Variants in STXBP5L observed in about 807,000 individuals in gnomAD.
The protein encoded by STXBP5L is syntaxin-binding protein 5-like.
A neutral mutation model predicts 144.5 loss-of-function variants in STXBP5L; 65 were observed. That is an observed-to-expected ratio of 0.45 (90% CI 0.37 to 0.55). The LOEUF is 0.55. Among genes scored for constraint, STXBP5L ranks in the 20% least tolerant of loss-of-function variants. STXBP5L has a pLI of 0.00. For synonymous variants in STXBP5L, 505 were observed against 469.6 expected (o/e 1.08, Z -0.97); for missense variants, 1,298 against 1,405.5 (o/e 0.92, Z 1.22).
At chr3:121,062,725 A>T (rs770641981) in intron 5 of STXBP5L, among the ~76,000 whole-genome samples, 12 of 151,898 alleles carry the variant, frequency 7.9e-5, no homozygotes, top group Non-Finnish European at 1.6e-4. Context: ...CTTTTTTTCT[A>T]ATCTTGTCTT....
chr3:121,092,573 G>A (rs2042872017), intron 5 of STXBP5L, among the ~76,000 whole-genome samples: 1 of 152,152 alleles, frequency 6.6e-6, no homozygotes, highest in Non-Finnish European at 1.5e-5. Context: ...CTCTCTGTTT[G>A]TCTGTTATTG....
At chr3:121,234,251 T>C (rs2049397935) in intron 12 of STXBP5L, among the ~76,000 whole-genome samples, 1 of 152,136 alleles carries the variant, frequency 6.6e-6, no homozygotes, top group Non-Finnish European at 1.5e-5. Context: ...TGAAACTAAT[T>C]TCCATCATTG....
chr3:121,120,661 G>T (rs1200187847), intron 6 of STXBP5L, among the ~76,000 whole-genome samples: 1 of 151,146 alleles, frequency 6.6e-6, no homozygotes, highest in Non-Finnish European at 1.5e-5. Context: ...TAACTCTGAG[G>T]AGTCAGCACC....
chr3:121,279,749 T>G (rs2050992927), intron 18 of STXBP5L, 56 bp from the exon 19 acceptor site: 4 of 1,584,920 alleles, frequency 2.5e-6, no homozygotes, highest in African/African-American at 2.7e-5. Context: ...GATTTGAAGA[T>G]AAAAATAATC....
chr3:121,401,587 C>T (rs1405405209), intron 22 of STXBP5L, among the ~76,000 whole-genome samples: 1 of 138,338 alleles, frequency 7.2e-6, no homozygotes, highest in Non-Finnish European at 1.5e-5. Context: ...AGTTCATGTC[C>T]TTTGTAGGGA....
At chr3:121,059,400 G>T (rs1270999039) in intron 5 of STXBP5L, among the ~76,000 whole-genome samples, 1 of 152,172 alleles carries the variant, frequency 6.6e-6, no homozygotes, top group Non-Finnish European at 1.5e-5. Context: ...TTGAAGTCAG[G>T]TAGCATGGTG....
intron 9 of STXBP5L, among the ~76,000 whole-genome samples, chr3:121,192,029 G>T (rs932671742): frequency 6.6e-6 from 1 of 152,020 alleles, no homozygotes; most frequent in Non-Finnish European, 1.5e-5. Flanking sequence ...ACACCAACAT[G>T]GCACATGTAT....
At chr3:120,927,021 C>T (rs545269578) in intron 2 of STXBP5L, among the ~76,000 whole-genome samples, 74 of 151,644 alleles carry the variant, frequency 4.9e-4, no homozygotes, top group Admixed American at 8.5e-4. Flanking sequence ...CTGCAACCTC[C>T]GCCTGCCAGG....
At chr3:121,152,593 T>C in intron 8 of STXBP5L, 33 bp downstream of exon 8, 3 of 1,478,980 alleles carry the variant, frequency 2.0e-6, no homozygotes, top group South Asian at 2.3e-5. Flanking sequence ...TTTGAAAGAG[T>C]ATTGTGACGT....
chr3:121,051,605 A>G (rs1948000943), intron 5 of STXBP5L, among the ~76,000 whole-genome samples: 2 of 152,232 alleles, frequency 1.3e-5, no homozygotes, highest in African/African-American at 2.4e-5. Context: ...AGGGAAATTT[A>G]TAGCACTAAA....
intron 7 of STXBP5L, among the ~76,000 whole-genome samples, chr3:121,144,097 G>A (rs1308761398): frequency 1.3e-5 from 2 of 148,910 alleles, no homozygotes; most frequent in East Asian, 2.0e-4. Context: ...TCTGTAAAGC[G>A]TTAATCTGCA....
intron 3 of STXBP5L, among the ~76,000 whole-genome samples, chr3:121,005,157 T>C (rs1182631855): frequency 6.6e-6 from 1 of 152,212 alleles, no homozygotes; most frequent in African/African-American, 2.4e-5. Context: ...TCTGGTAGAA[T>C]TTGGCTGTGA....
intron 7 of STXBP5L, 103 bp downstream of exon 7, chr3:121,121,807 C>T: frequency 4.7e-6 from 3 of 637,262 alleles, no homozygotes; most frequent in East Asian, 2.9e-5. Flanking sequence ...CAGTTGATAG[C>T]ATTTTATATT....
intron 5 of STXBP5L, among the ~76,000 whole-genome samples, chr3:121,049,244 G>A (rs1262913079): frequency 1.3e-5 from 2 of 152,098 alleles, no homozygotes; most frequent in Non-Finnish European, 2.9e-5. Context: ...CTGATCTTGA[G>A]GGCATCAGTG....
chr3:121,399,802 G>T (rs1181957811), intron 22 of STXBP5L, among the ~76,000 whole-genome samples: 3 of 152,238 alleles, frequency 2.0e-5, no homozygotes, highest in Non-Finnish European at 4.4e-5. Flanking sequence ...ACATGTCACA[G>T]TGCTGCAGAG....
At chr3:121,371,063 T>C (rs2046014724) in intron 20 of STXBP5L, among the ~76,000 whole-genome samples, 10 of 152,254 alleles carry the variant, frequency 6.6e-5, no homozygotes, top group Admixed American at 6.5e-4. Flanking sequence ...AATGTGGTAA[T>C]TTGGAGGAAA....
At chr3:121,384,382 G>A (rs888657660) in intron 22 of STXBP5L, among the ~76,000 whole-genome samples, 33 of 152,014 alleles carry the variant, frequency 2.2e-4, no homozygotes, top group African/African-American at 8.0e-4. Flanking sequence ...GTAATTCAGA[G>A]GCTGGGCGCA....
chr3:121,375,795 A>G (rs1002237237), intron 20 of STXBP5L, among the ~76,000 whole-genome samples: 1 of 152,198 alleles, frequency 6.6e-6, no homozygotes, highest in Non-Finnish European at 1.5e-5. Context: ...GTGGATACCA[A>G]GTACTAGTTC....
At chr3:121,332,257 A>G (rs960351386) in intron 20 of STXBP5L, among the ~76,000 whole-genome samples, 1 of 152,022 alleles carries the variant, frequency 6.6e-6, no homozygotes, top group Admixed American at 6.5e-5. Flanking sequence ...CCAAGATGAA[A>G]TCTTTAAAAC....
Sources: gnomAD v4.1 joint callset for allele counts (sites outside exome capture counted in the v4.1 genomes callset) on GRCh38, gnomAD v4.1.1 for gene constraint, MANE v1.5 for transcripts, NCBI Gene and HGNC (gene_info 2026-07-23, HGNC 2026-07-21) for gene names.